Variants in SYT16 observed in about 807,000 individuals in gnomAD.
The protein encoded by SYT16 is synaptotagmin 16, also known as synaptotagmin-16.
Under a neutral mutation model 61.4 loss-of-function variants are expected in SYT16, and 42 were observed. The ratio of observed to expected loss-of-function variants is 0.68; its 90% CI spans 0.53 to 0.89. The LOEUF is 0.89. SYT16 is among the 40% of genes least tolerant of loss of function. The pLI, the probability that SYT16 is intolerant of heterozygous loss-of-function variation, is 0.00. For synonymous variants in SYT16, 314 were observed against 302.3 expected (o/e 1.04, Z -0.40); for missense variants, 804 against 807.3 (o/e 1.00, Z 0.05).
intron 1 of SYT16, among the ~76,000 whole-genome samples, chr14:61,949,537 C>T (rs1158299746): frequency 1.3e-5 from 2 of 152,072 alleles, no homozygotes; most frequent in African/African-American, 4.8e-5. Flanking sequence ...TGCACTAAAG[C>T]CTTCAACTCC....
intron 2 of SYT16, among the ~76,000 whole-genome samples, chr14:61,993,532 A>G (rs1001475813): frequency 6.6e-6 from 1 of 152,174 alleles, no homozygotes; most frequent in African/African-American, 2.4e-5. Flanking sequence ...TCTGGCTTAA[A>G]AAGTTTAAGG....
At chr14:61,898,650 G>T (rs1230730765) in intron 1 of SYT16, among the ~76,000 whole-genome samples, 1 of 152,152 alleles carries the variant, frequency 6.6e-6, no homozygotes, top group Non-Finnish European at 1.5e-5. Context: ...CCTTCCAGTG[G>T]GCACAGACAC....
intron 1 of SYT16, among the ~76,000 whole-genome samples, chr14:61,883,382 C>G (rs367728003): frequency 1.3e-4 from 20 of 152,266 alleles, no homozygotes; most frequent in African/African-American, 4.3e-4. Flanking sequence ...TATCATTTTT[C>G]TCAAGTTTAT....
rs189640778 is a variant in SYT16 at position 61,930,475 on chromosome 14, C to A, written c.-324-39657C>A. 1.4e-4 allele frequency among the ~76,000 whole-genome samples: 21 copies of A among 152,200 alleles called. No individual in the cohort carries two copies. The East Asian group carries it at 4.1e-3, about 29-fold the overall frequency. On this transcript the variant is annotated intron_variant, in intron 1 of 7. Coordinates refer to ENST00000683842, the MANE Select transcript of SYT16 (RefSeq NM_001367656.1). ...CAAATCCTAGAAGTTTCAACCTTAA[C>A]ATCTGTTGGAACTGCCTTCTCCACC...
intron 1 of SYT16, among the ~76,000 whole-genome samples, chr14:61,851,095 G>T (rs951975709): frequency 2.0e-5 from 3 of 151,822 alleles, no homozygotes; most frequent in Non-Finnish European, 2.9e-5. Context: ...AGTGTGTGTT[G>T]TTTCTCCCCA....
At chr14:61,834,178 T>G (rs1245615809) in intron 1 of SYT16, among the ~76,000 whole-genome samples, 1 of 152,074 alleles carries the variant, frequency 6.6e-6, no homozygotes, top group Non-Finnish European at 1.5e-5. Context: ...TCGCCTGGGC[T>G]GGAGAGCAGT....
At chr14:62,048,844 A>T (rs1357035596) in intron 3 of SYT16, among the ~76,000 whole-genome samples, 1 of 152,020 alleles carries the variant, frequency 6.6e-6, no homozygotes. Flanking sequence ...CTGAGAGACA[A>T]TTTTTTATAA....
rs140514843 is a variant in SYT16, at chr14:61,929,788, T to A, written c.-324-40344T>A. On this transcript the variant is annotated intron_variant, in intron 1 of 7. Coordinates refer to ENST00000683842, the MANE Select transcript of SYT16 (RefSeq NM_001367656.1). ...TTTCAAAATTTGTTATCAGGGTGAT[T>A]GAAAACTTTTGATGGCTTAAATATG... is the stretch of plus-strand genomic sequence containing the variant. Among the ~76,000 whole-genome samples the A allele has an allele frequency of 1.3e-3, 198 of 152,338 alleles. 1 individual carries two copies. The highest frequency in any genetic ancestry group is 2.4e-3 in the Non-Finnish European group (166 of 68,026).
intron 3 of SYT16, among the ~76,000 whole-genome samples, chr14:62,008,631 CTTTTTT>C (rs374026559): frequency 3.0e-5 from 4 of 134,944 alleles, no homozygotes; most frequent in Non-Finnish European, 4.8e-5. Flanking sequence ...TTTCTGTTTT[CTTTTTT>C]TTTTTTTTTT....
chr14:62,068,964 T>A (rs1161119166), intron 3 of SYT16, among the ~76,000 whole-genome samples: 1 of 152,106 alleles, frequency 6.6e-6, no homozygotes, highest in Non-Finnish European at 1.5e-5. Context: ...CCTGGCTAAT[T>A]TTTGTATTTT....
chr14:61,916,699 C>T (rs1175632714), intron 1 of SYT16, among the ~76,000 whole-genome samples: 2 of 152,102 alleles, frequency 1.3e-5, no homozygotes, highest in African/African-American at 4.8e-5. Flanking sequence ...TTTTATCTAA[C>T]TGTATTGGAC....
At position 61,824,978 on chromosome 14, in the gene SYT16, G is replaced by A. The variant is rs115066723; in HGVS notation, c.-325+12168G>A. Among the ~76,000 whole-genome samples, 1,435 of 152,146 alleles carry A rather than the reference G, an allele frequency of 9.4e-3. 28 individuals carry two copies. The highest frequency in any genetic ancestry group is 0.033 in the African/African-American group (1,360 of 41,490). ...TGTCTCATCTTTAATTTTGAATATG[G>A]GAAATATCAGTAAATAAAACAAAAA... On this transcript the variant is annotated intron_variant, in intron 1 of 7. Coordinates refer to ENST00000683842, the MANE Select transcript of SYT16 (RefSeq NM_001367656.1).
chr14:61,932,568 G>A (rs1365814951), intron 1 of SYT16, among the ~76,000 whole-genome samples: 3 of 152,092 alleles, frequency 2.0e-5, no homozygotes, highest in Non-Finnish European at 4.4e-5. Flanking sequence ...CAACATGGGG[G>A]AAACCACCTC....
chr14:62,083,970 T>C (rs1221713983), intron 6 of SYT16, among the ~76,000 whole-genome samples: 2 of 152,182 alleles, frequency 1.3e-5, no homozygotes, highest in African/African-American at 4.8e-5. Context: ...AGAGGAAATA[T>C]TGAATGGAGA....
At position 62,075,335 on chromosome 14, in the gene SYT16, A is replaced by G. The variant is rs1259128742; in HGVS notation, c.937A>G (p.Ser313Gly). 2.5e-6 allele frequency: 4 copies of G among 1,613,888 alleles called. No individual in the cohort carries two copies. Among genetic ancestry groups the G allele is most frequent in the Non-Finnish European group, 3.4e-6 (4 of 1,179,826 alleles). The change falls in exon 5 of 8, where the codon AGC becomes GGC. Residue 313 changes from serine to glycine, a missense_variant. By Grantham distance (56) the Ser-to-Gly change is moderately conservative. Transcript: ENST00000683842. ...GSLEMETAFN[S>G]RGFEDSYATD... ...CTTGGAGATGGAGACAGCTTTTAAT[A>G]GCCGGGGATTTGAAGATTCCTATGC...
chr14:62,098,580 C>T (rs545338448), intron 7 of SYT16, among the ~76,000 whole-genome samples: 1 of 152,272 alleles, frequency 6.6e-6, no homozygotes, highest in East Asian at 1.9e-4. Flanking sequence ...AGCTTTATTG[C>T]ACAAGTTTGA....
rs532689099 is a variant in SYT16, at chr14:62,037,659, G to A, written c.524-31944G>A. Among the ~76,000 whole-genome samples, 14 of 152,276 alleles carry A rather than the reference G, an allele frequency of 9.2e-5. No homozygotes were observed. The South Asian group carries it at 2.7e-3, about 29-fold the overall frequency. On this transcript the variant is annotated intron_variant, in intron 3 of 7. Transcript: ENST00000683842. ...TGTTTTATTACAAGGTGTTTCCTCAGACTCCACTGGGGTATTAAATAATAC... is the reference window on the plus strand; with the variant it reads ...TGTTTTATTACAAGGTGTTTCCTCAAACTCCACTGGGGTATTAAATAATAC...
At chr14:62,002,946 G>A (rs1229308323) in intron 3 of SYT16, among the ~76,000 whole-genome samples, 1 of 152,040 alleles carries the variant, frequency 6.6e-6, no homozygotes, top group Non-Finnish European at 1.5e-5. Context: ...GCTGAGTAAA[G>A]GGGGAAGTCC....
intron 3 of SYT16, among the ~76,000 whole-genome samples, chr14:62,044,834 A>G (rs1435557238): frequency 6.6e-6 from 1 of 152,116 alleles, no homozygotes; most frequent in African/African-American, 2.4e-5. Context: ...AGCGACAACT[A>G]TTTTTAATAC....
Sources: gnomAD v4.1 joint callset for allele counts (sites outside exome capture counted in the v4.1 genomes callset) on GRCh38, gnomAD v4.1.1 for gene constraint, MANE v1.5 for transcripts, NCBI Gene and HGNC (gene_info 2026-07-23, HGNC 2026-07-21) for gene names.